The following SAE1 variants were observed in gnomAD, a reference collection of about 807,000 sequenced individuals.
SAE1 encodes the protein SUMO1 activating enzyme subunit 1.
A neutral mutation model predicts 40.6 loss-of-function variants in SAE1; 11 were observed. The ratio of observed to expected loss-of-function variants is 0.27; its 90% CI spans 0.17 to 0.45. The LOEUF (loss-of-function observed/expected upper bound fraction) is 0.45, where lower values mean the gene tolerates loss of function less well. Among genes scored for constraint, SAE1 ranks in the 20% least tolerant of loss-of-function variants. The probability of loss-of-function intolerance (pLI) is 1.00; values close to 1 mark genes in which losing one functional copy is unlikely to be tolerated. For missense variants in SAE1, 373 were observed against 427.3 expected (o/e 0.87, Z 1.12); for synonymous variants, 155 against 154.3 (o/e 1.00, Z -0.03).
chr19:47,182,517 G>A (rs1052274199), intron 6 of SAE1, among the ~76,000 whole-genome samples: 2 of 150,762 alleles, frequency 1.3e-5, no homozygotes, highest in Non-Finnish European at 2.9e-5. Flanking sequence ...ACGCGCGCGC[G>A]CACACCACTG....
chr19:47,184,305 T>C (rs2058529029), intron 6 of SAE1, among the ~76,000 whole-genome samples: 1 of 152,204 alleles, frequency 6.6e-6, no homozygotes, highest in South Asian at 2.1e-4. Context: ...GTGGTGACTT[T>C]TAAATCCGTC....
At chr19:47,203,619 G>T in intron 7 of SAE1, 52 bp from the exon 8 acceptor site, 1 of 1,530,618 alleles carries the variant, frequency 6.5e-7, no homozygotes, top group South Asian at 1.1e-5. Flanking sequence ...CAGATGTCAT[G>T]GTCACAGTTC....
At chr19:47,165,748 A>T (rs2058388425) in intron 5 of SAE1, among the ~76,000 whole-genome samples, 1 of 152,068 alleles carries the variant, frequency 6.6e-6, no homozygotes, top group South Asian at 2.1e-4. Context: ...TTTTGTTTTT[A>T]ATTGTTATGA....
intron 1 of SAE1, among the ~76,000 whole-genome samples, chr19:47,135,327 C>G (rs975399997): frequency 2.6e-5 from 4 of 152,070 alleles, no homozygotes; most frequent in Non-Finnish European, 5.9e-5. Flanking sequence ...CCCTCCACCC[C>G]CCACTACCCT....
chr19:47,150,517 C>G, intron 3 of SAE1, 142 bp downstream of exon 3: 1 of 673,230 alleles, frequency 1.5e-6, no homozygotes, highest in Non-Finnish European at 2.5e-6. Flanking sequence ...ATAAGCTGTT[C>G]TATTGTTTAG....
intron 5 of SAE1, among the ~76,000 whole-genome samples, chr19:47,168,124 C>T (rs549612881): frequency 3.9e-5 from 6 of 152,082 alleles, no homozygotes; most frequent in East Asian, 1.9e-4. Context: ...ACCCAGGACA[C>T]GGAGGTTGCA....
rs191112415 is a variant in SAE1, at chr19:47,174,838, G to T, written c.733+4915G>T. Among the ~76,000 whole-genome samples, 652 of 152,040 alleles carry T rather than the reference G, an allele frequency of 4.3e-3. 15 individuals carry two copies. Among genetic ancestry groups the T allele is most frequent in the Admixed American group, 0.036 (550 of 15,252 alleles). Reference sequence around the variant, plus strand: ...TCCGCCTGCCTCAGCCTCCCAAAGTGCTGGGATTACAGGCGTGAGCCACCG... The same window carrying T: ...TCCGCCTGCCTCAGCCTCCCAAAGTTCTGGGATTACAGGCGTGAGCCACCG... On this transcript the variant is annotated intron_variant, in intron 6 of 8. Coordinates refer to ENST00000270225, the MANE Select transcript of SAE1 (RefSeq NM_005500.3).
intron 1 of SAE1, among the ~76,000 whole-genome samples, chr19:47,140,444 G>T (rs1568585437): frequency 6.6e-6 from 1 of 151,934 alleles, no homozygotes; most frequent in Non-Finnish European, 1.5e-5. Context: ...TAGAGATGGG[G>T]TTTCACCATG....
intron 6 of SAE1, among the ~76,000 whole-genome samples, chr19:47,174,013 T>C (rs1275492797): frequency 6.6e-6 from 1 of 152,080 alleles, no homozygotes; most frequent in Non-Finnish European, 1.5e-5. Flanking sequence ...CTCGAACTCC[T>C]GACCTCGTGA....
intron 1 of SAE1, among the ~76,000 whole-genome samples, chr19:47,133,116 A>G (rs1433052664): frequency 1.3e-5 from 2 of 152,216 alleles, no homozygotes; most frequent in Non-Finnish European, 2.9e-5. Flanking sequence ...GTCAAATTAG[A>G]GAAATAAGGT....
At chr19:47,133,972 C>T (rs2058163395) in intron 1 of SAE1, among the ~76,000 whole-genome samples, 1 of 151,376 alleles carries the variant, frequency 6.6e-6, no homozygotes, top group Middle Eastern at 3.2e-3. Flanking sequence ...AAGCAATTCT[C>T]CTGCCTCAGC....
At position 47,151,010 on chromosome 19, in the gene SAE1, A is replaced by C. The variant is rs939471061; in HGVS notation, c.384+635A>C. 5.9e-5 allele frequency among the ~76,000 whole-genome samples: 9 copies of C among 152,206 alleles called. No individual in the cohort carries two copies. The East Asian group carries it at 1.2e-3, about 19-fold the overall frequency. ...TGTCAATATCTGCAACCTTTCAGAC[A>C]TAGTTCCCTGCATTCTGGAAAAGCT... On this transcript the variant is annotated intron_variant, in intron 3 of 8. Coordinates refer to ENST00000270225, the MANE Select transcript of SAE1 (RefSeq NM_005500.3).
intron 6 of SAE1, among the ~76,000 whole-genome samples, chr19:47,191,784 G>A (rs528359909): frequency 2.6e-5 from 4 of 151,998 alleles, no homozygotes; most frequent in East Asian, 1.9e-4. Context: ...GGCCGGGCGC[G>A]GTGGCTCACA....
intron 5 of SAE1, among the ~76,000 whole-genome samples, 166 bp from the exon 6 acceptor site, chr19:47,169,652 C>A (rs1600180705): frequency 6.6e-6 from 1 of 152,304 alleles, no homozygotes; most frequent in East Asian, 1.9e-4. Context: ...TACAGAAGCA[C>A]ACAGTGAGTG....
At chr19:47,132,979 G>GGGAA (rs2058155674) in intron 1 of SAE1, among the ~76,000 whole-genome samples, 1 of 152,092 alleles carries the variant, frequency 6.6e-6, no homozygotes, top group African/African-American at 2.4e-5. Context: ...AGGTTGGCCA[G>GGGAA]GGAAGGGCTC....
chr19:47,205,323 T>A (rs1227026049), intron 8 of SAE1, among the ~76,000 whole-genome samples: 1 of 148,350 alleles, frequency 6.7e-6, no homozygotes, highest in Non-Finnish European at 1.5e-5. Context: ...AAGGCTACTT[T>A]TTTTTTTTTT....
intron 5 of SAE1, among the ~76,000 whole-genome samples, chr19:47,168,666 G>A (rs1018285001): frequency 5.9e-5 from 9 of 151,952 alleles, no homozygotes; most frequent in African/African-American, 1.9e-4. Context: ...GCAATGGCGC[G>A]ATCTCAGCTC....
chr19:47,199,641 C>A (rs1344761899), intron 7 of SAE1, among the ~76,000 whole-genome samples: 5 of 152,130 alleles, frequency 3.3e-5, no homozygotes, highest in Admixed American at 2.6e-4. Context: ...CTTGGCTGCA[C>A]ACTCACGGCC....
intron 5 of SAE1, among the ~76,000 whole-genome samples, chr19:47,156,913 A>C (rs1454055297): frequency 6.6e-6 from 1 of 152,214 alleles, no homozygotes; most frequent in Non-Finnish European, 1.5e-5. Flanking sequence ...AAGCAAGATG[A>C]AGGGGCCAGA....
Sources: allele counts gnomAD v4.1 joint callset (sites outside exome capture counted in the v4.1 genomes callset), GRCh38; gene constraint gnomAD v4.1.1; transcripts MANE v1.5; gene names NCBI Gene and HGNC (gene_info 2026-07-23, HGNC 2026-07-21).